Variants in CFAP54 observed in about 807,000 individuals in gnomAD.
The protein encoded by CFAP54 is cilia- and flagella-associated protein 54.
In CFAP54, 290 loss-of-function variants were observed where a neutral mutation model predicts 370.4. That is an observed-to-expected ratio of 0.78 (90% CI 0.71 to 0.86). CFAP54 has a LOEUF of 0.86. Ranked by LOEUF, CFAP54 falls within the 40% of genes least tolerant of loss-of-function variation. CFAP54 has a pLI of 0.00. For synonymous variants in CFAP54, 1,206 were observed against 1,236.5 expected (o/e 0.98, Z 0.52); for missense variants, 3,399 against 3,528.7 (o/e 0.96, Z 0.93).
intron 66 of CFAP54, among the ~76,000 whole-genome samples, chr12:96,858,867 A>C (rs1441163134): frequency 6.6e-6 from 1 of 152,264 alleles, no homozygotes; most frequent in Non-Finnish European, 1.5e-5. Flanking sequence ...TACCAACAAC[A>C]TTCTTCACAG....
At chr12:96,725,033 A>G (rs537841228) in intron 50 of CFAP54, among the ~76,000 whole-genome samples, 47 of 152,174 alleles carry the variant, frequency 3.1e-4, no homozygotes, top group Admixed American at 7.2e-4. Context: ...CCATTGATCT[A>G]TATCTCTGTT....
At chr12:96,531,217 A>G (rs922669983) in intron 9 of CFAP54, among the ~76,000 whole-genome samples, 2 of 152,128 alleles carry the variant, frequency 1.3e-5, no homozygotes, top group African/African-American at 4.8e-5. Flanking sequence ...TTGGCTGGAT[A>G]TAATAGTTTA....
chr12:96,669,319 T>C (rs569200592), intron 39 of CFAP54, among the ~76,000 whole-genome samples: 9 of 152,342 alleles, frequency 5.9e-5, no homozygotes, highest in African/African-American at 1.4e-4. Context: ...AATGATCACA[T>C]TGGCATTCTT....
intron 39 of CFAP54, among the ~76,000 whole-genome samples, chr12:96,675,378 C>T (rs1347354168): frequency 6.6e-6 from 1 of 152,158 alleles, no homozygotes; most frequent in African/African-American, 2.4e-5. Flanking sequence ...CAAATCAAAA[C>T]CACAATGAGA....
intron 50 of CFAP54, 148 bp from the exon 51 acceptor site, chr12:96,739,808 A>C (rs1363056210): frequency 1.8e-6 from 1 of 552,338 alleles, no homozygotes. Context: ...CCAGGGTACT[A>C]TTAGGGCCTG....
At chr12:96,698,677 G>A (rs1423485586) in intron 45 of CFAP54, among the ~76,000 whole-genome samples, 1 of 152,124 alleles carries the variant, frequency 6.6e-6, no homozygotes, top group African/African-American at 2.4e-5. Flanking sequence ...GGGCCTGCTT[G>A]AGGGTGCAGG....
At chr12:96,641,168 A>C (rs976355869) in intron 32 of CFAP54, among the ~76,000 whole-genome samples, 1 of 152,242 alleles carries the variant, frequency 6.6e-6, no homozygotes, top group Non-Finnish European at 1.5e-5. Flanking sequence ...AAATTTTTGC[A>C]ATCTATCCAT....
intron 28 of CFAP54, among the ~76,000 whole-genome samples, chr12:96,625,045 G>A (rs971233167): frequency 6.6e-6 from 1 of 151,986 alleles, no homozygotes; most frequent in Admixed American, 6.6e-5. Flanking sequence ...AATTCTCCCT[G>A]GTGGTCTAAT....
chr12:96,706,469 C>A (rs915410791), intron 47 of CFAP54, among the ~76,000 whole-genome samples: 4 of 152,108 alleles, frequency 2.6e-5, no homozygotes, highest in African/African-American at 9.7e-5. Flanking sequence ...ACAAGATTGC[C>A]TAGCTTGGCG....
Position 96,548,637 on chromosome 12 carries a change from G to T in CFAP54, c.2154+659G>T, listed in dbSNP as rs572381908. ...AGGGGATGCCAACTGAGTACTTTAT[G>T]CTGTCTTGTGTCTTCTGAAGAGAGC... On this transcript the variant is annotated intron_variant, in intron 15 of 67. Transcript: ENST00000524981. Among the ~76,000 whole-genome samples, 18 of 152,234 alleles carry T rather than the reference G, an allele frequency of 1.2e-4. No individual in the cohort carries two copies. In the South Asian group the frequency reaches 3.7e-3, roughly 32 times the overall value.
intron 44 of CFAP54, among the ~76,000 whole-genome samples, chr12:96,692,096 T>G (rs563584881): frequency 2.6e-4 from 40 of 152,276 alleles, no homozygotes; most frequent in African/African-American, 7.7e-4. Context: ...CATATTTTTT[T>G]CTATTCTCTC....
chr12:96,781,978 G>A (rs575707045), intron 60 of CFAP54, among the ~76,000 whole-genome samples: 2 of 152,138 alleles, frequency 1.3e-5, no homozygotes, highest in South Asian at 2.1e-4. Flanking sequence ...AAAATAAGCA[G>A]CATATTAAAA....
rs76074442 is a variant in CFAP54, at chr12:96,587,420, G to A, written c.3076-2007G>A. Among the ~76,000 whole-genome samples the A allele has an allele frequency of 8.4e-3, 1,284 of 152,280 alleles. 52 individuals are homozygous for A. In the East Asian group the frequency reaches 0.092, roughly 11 times the overall value. ...AGCCAAGCGAAGGTCAGGCATCAAA[G>A]AGGAGGTATCTACTGTACTTAATTA... is the stretch of plus-strand genomic sequence containing the variant. On this transcript the variant is annotated intron_variant, in intron 22 of 67. Coordinates refer to ENST00000524981, the MANE Select transcript of CFAP54 (RefSeq NM_001306084.2).
chr12:96,511,912 T>A (rs889059973), intron 4 of CFAP54, among the ~76,000 whole-genome samples: 1 of 152,260 alleles, frequency 6.6e-6, no homozygotes, highest in African/African-American at 2.4e-5. Context: ...TTTTAAAGCA[T>A]GCTACCATCT....
chr12:96,607,190 A>G (rs1052338449), intron 26 of CFAP54, among the ~76,000 whole-genome samples: 1 of 151,332 alleles, frequency 6.6e-6, no homozygotes, highest in African/African-American at 2.4e-5. Flanking sequence ...GTAGATGCTG[A>G]GGGAACATAA....
intron 60 of CFAP54, among the ~76,000 whole-genome samples, chr12:96,780,558 A>T (rs1229637050): frequency 6.6e-6 from 1 of 152,146 alleles, no homozygotes; most frequent in African/African-American, 2.4e-5. Context: ...CTTTCAACTA[A>T]CTGATATTCA....
At chr12:96,730,239 A>T (rs1225925742) in intron 50 of CFAP54, among the ~76,000 whole-genome samples, 1 of 152,206 alleles carries the variant, frequency 6.6e-6, no homozygotes, top group Non-Finnish European at 1.5e-5. Context: ...AGTTAATTTA[A>T]AAAGGTCCTG....
At chr12:96,807,838 C>T (rs1015673386) in intron 63 of CFAP54, among the ~76,000 whole-genome samples, 3 of 152,096 alleles carry the variant, frequency 2.0e-5, no homozygotes, top group African/African-American at 7.2e-5. Flanking sequence ...TAAAATAATG[C>T]CTTAGAGAAT....
chr12:96,796,156 G>GC (rs1010196493), intron 63 of CFAP54, among the ~76,000 whole-genome samples: 1 of 152,170 alleles, frequency 6.6e-6, no homozygotes, highest in African/African-American at 2.4e-5. Context: ...GCCTGCAGCA[G>GC]CAAGCCACTT....
Sources: allele counts gnomAD v4.1 joint callset (sites outside exome capture counted in the v4.1 genomes callset), GRCh38; gene constraint gnomAD v4.1.1; transcripts MANE v1.5; gene names NCBI Gene and HGNC (gene_info 2026-07-23, HGNC 2026-07-21).